Variants in TENM2 observed in about 807,000 individuals in gnomAD.
The protein encoded by TENM2 is teneurin transmembrane protein 2, also known as teneurin-2.
A neutral mutation model predicts 245.2 loss-of-function variants in TENM2; 52 were observed. The observed-to-expected ratio is 0.21, with a 90% confidence interval of 0.17 to 0.27. The LOEUF is 0.27. Among genes scored for constraint, TENM2 ranks in the 10% least tolerant of loss-of-function variants. TENM2 has a pLI of 1.00. For synonymous variants in TENM2, 1,363 were observed against 1,438.9 expected, an observed-to-expected ratio of 0.95 and a Z score of 1.19; for missense variants, 3,046 against 3,666.8, an observed-to-expected ratio of 0.83 and a Z score of 4.37.
chr5:168,197,105 T>C (rs1581604122), intron 15 of TENM2, among the ~76,000 whole-genome samples: 1 of 152,190 alleles, frequency 6.6e-6, no homozygotes, highest in African/African-American at 2.4e-5. Flanking sequence ...TTCAAGACAT[T>C]TGACTCTCTT....
At chr5:167,762,402 A>C (rs893871438) in intron 2 of TENM2, among the ~76,000 whole-genome samples, 3 of 152,228 alleles carry the variant, frequency 2.0e-5, no homozygotes, top group Admixed American at 1.3e-4. Context: ...ATCAAAAAGA[A>C]CACATAATAT....
At chr5:167,192,093 C>G in the TENM2 span, among the ~76,000 whole-genome samples, 1 of 152,032 alleles carries the variant, frequency 6.6e-6, no homozygotes, top group Admixed American at 6.6e-5. Context: ...TGAAGCTACT[C>G]TAGGTACAGA....
chr5:168,108,581 A>G (rs1277326034), intron 9 of TENM2, among the ~76,000 whole-genome samples: 2 of 152,152 alleles, frequency 1.3e-5, no homozygotes, highest in African/African-American at 4.8e-5. Flanking sequence ...TATTATTCCT[A>G]TTTTACAGTA....
At chr5:167,453,399 G>C (rs1272992828) in intron 2 of TENM2, among the ~76,000 whole-genome samples, 2 of 152,014 alleles carry the variant, frequency 1.3e-5, no homozygotes, top group African/African-American at 4.8e-5. Flanking sequence ...AGTCACTATT[G>C]TTTGAGTAAA....
At chr5:167,097,126 G>T in the TENM2 span, among the ~76,000 whole-genome samples, 1 of 152,076 alleles carries the variant, frequency 6.6e-6, no homozygotes, top group Non-Finnish European at 1.5e-5. Flanking sequence ...AACGCTCAAG[G>T]CATTGGCTTG....
intron 1 of TENM2, among the ~76,000 whole-genome samples, chr5:167,361,971 CAT>C (rs1026337484): frequency 5.3e-5 from 8 of 152,156 alleles, no homozygotes; most frequent in Admixed American, 5.2e-4. Flanking sequence ...GCTGTGATGA[CAT>C]AAGAATTTTT....
At chr5:167,184,911 GTT>G in the TENM2 span, among the ~76,000 whole-genome samples, 1 of 152,158 alleles carries the variant, frequency 6.6e-6, no homozygotes. Flanking sequence ...CCCAGCCTTG[GTT>G]TTCTCATAAG....
rs1473703436 is a variant in TENM2, at chr5:168,244,639, G to T, written c.5740G>T (p.Asp1914Tyr). The change falls in exon 26 of 29, where the codon GAC (aspartate) becomes TAC (tyrosine). Residue 1914 changes from aspartate (D) to tyrosine (Y), a missense_variant. Asp to Tyr is a radical substitution (Grantham distance 160). Transcript: ENST00000518659. This position sits in a 1 kb window ranked among gnomAD's most constrained non-coding sequence, Gnocchi z 4.9. ...GCGTGGGGCCATGAGCGAGAGGACA[G>T]ACATCGACAAGCAAGGCCGCATCGT... 1 of 1,571,412 alleles carries T rather than the reference G, an allele frequency of 6.4e-7. No homozygotes were observed. The highest frequency in any genetic ancestry group is 8.7e-7 in the Non-Finnish European group (1 of 1,152,494).
intron 13 of TENM2, among the ~76,000 whole-genome samples, chr5:168,167,761 C>T (rs1177820562): frequency 6.6e-6 from 1 of 152,148 alleles, no homozygotes; most frequent in African/African-American, 2.4e-5. Context: ...CAGAGTCAGC[C>T]TTTGTATTCC....
intron 6 of TENM2, among the ~76,000 whole-genome samples, chr5:168,048,868 T>G (rs954754612): frequency 2.0e-5 from 3 of 152,246 alleles, no homozygotes; most frequent in African/African-American, 7.2e-5. Flanking sequence ...TGAAAAAGTT[T>G]TATCTGAGGA....
chr5:167,774,481 C>T (rs906666257), intron 2 of TENM2, among the ~76,000 whole-genome samples: 1 of 152,134 alleles, frequency 6.6e-6, no homozygotes, highest in African/African-American at 2.4e-5. Flanking sequence ...AGGTGCTAAT[C>T]GGACTATCCT....
chr5:167,512,369 G>A (rs1693953124), intron 2 of TENM2, among the ~76,000 whole-genome samples: 1 of 152,078 alleles, frequency 6.6e-6, no homozygotes, highest in South Asian at 2.1e-4. Context: ...TTAAATTTGA[G>A]TTTCATCAGC....
intron 2 of TENM2, among the ~76,000 whole-genome samples, chr5:167,825,294 A>C (rs760017135): frequency 1.3e-5 from 2 of 150,770 alleles, no homozygotes; most frequent in Non-Finnish European, 3.0e-5. Flanking sequence ...GGGTTTCTGC[A>C]GGGGGGTGGG....
At chr5:167,643,320 G>A (rs1779728808) in intron 2 of TENM2, among the ~76,000 whole-genome samples, 1 of 152,006 alleles carries the variant, frequency 6.6e-6, no homozygotes, top group African/African-American at 2.4e-5. Flanking sequence ...CTATAAATTT[G>A]CCGTTTCTGG....
chr5:167,915,876 C>T (rs967406507), intron 3 of TENM2, among the ~76,000 whole-genome samples: 4 of 152,116 alleles, frequency 2.6e-5, no homozygotes, highest in Non-Finnish European at 5.9e-5. Context: ...CTTGTCCATG[C>T]AAGTGACATG....
chr5:167,084,247 G>A, the TENM2 span, among the ~76,000 whole-genome samples: 8 of 145,618 alleles, frequency 5.5e-5, no homozygotes, highest in Non-Finnish European at 1.2e-4. Context: ...TATTTTGAAT[G>A]TGTATTTGTG....
chr5:167,032,188 G>A, the TENM2 span, among the ~76,000 whole-genome samples: 21 of 152,138 alleles, frequency 1.4e-4, no homozygotes, highest in Admixed American at 9.8e-4. Context: ...ATGAGCTTTC[G>A]TAGAATACAT....
chr5:167,555,774 TGTCG>T (rs1416259203), intron 2 of TENM2, among the ~76,000 whole-genome samples: 2 of 152,158 alleles, frequency 1.3e-5, no homozygotes, highest in African/African-American at 4.8e-5. Context: ...TCAATCTGAC[TGTCG>T]GTCGTAGCAA....
At chr5:167,474,455 C>T (rs2127517684) in intron 2 of TENM2, among the ~76,000 whole-genome samples, 1 of 152,122 alleles carries the variant, frequency 6.6e-6, no homozygotes, top group Admixed American at 6.5e-5. Context: ...TCCCATTCAC[C>T]CAATAAGCAA....
Sources: allele counts gnomAD v4.1 joint callset (sites outside exome capture counted in the v4.1 genomes callset), GRCh38; gene constraint gnomAD v4.1.1; non-coding constraint Gnocchi (gnomAD v3.1); transcripts MANE v1.5; gene names NCBI Gene and HGNC (gene_info 2026-07-23, HGNC 2026-07-21).